The following ARMH4 variants were observed in gnomAD, a reference collection of about 807,000 sequenced individuals.
The protein encoded by ARMH4 is armadillo like helical domain containing 4.
ARMH4 carries 49 observed loss-of-function variants against 61.9 expected under a neutral mutation model. The observed-to-expected ratio is 0.79, with a 90% CI of 0.63 to 1.00. ARMH4 has a LOEUF of 1.00. Among genes scored for constraint, ARMH4 ranks in the 50% least tolerant of loss-of-function variants. ARMH4 has a pLI of 0.00. For synonymous variants in ARMH4, 368 were observed against 341.5 expected, an observed-to-expected ratio of 1.08 and a Z score of -0.85; for missense variants, 934 against 930.0, an observed-to-expected ratio of 1.00 and a Z score of -0.06.
chr14:58,086,795 G>T (rs1486682880), intron 5 of ARMH4, among the ~76,000 whole-genome samples: 1 of 152,132 alleles, frequency 6.6e-6, no homozygotes, highest in East Asian at 1.9e-4. Flanking sequence ...ATGACTGGAA[G>T]AATTTCAAAA....
Position 58,139,013 on chromosome 14 carries a change from CAGT to C in ARMH4, c.343_345del (p.Thr115del). 1.2e-6 allele frequency: 2 copies of C among 1,614,208 alleles called. No homozygotes were observed. Among genetic ancestry groups the C allele is most frequent in the Non-Finnish European group, 8.5e-7 (1 of 1,180,036 alleles). ...TCTTCAGCTGAGGGGACACCTGACTCAGTAGGTGTGGAAACACCAGGGCGTTCT... is the reference window on the plus strand; with the variant it reads ...TCTTCAGCTGAGGGGACACCTGACTCAGGTGTGGAAACACCAGGGCGTTCT... On this transcript the variant is annotated inframe_deletion, in exon 2 of 8. Transcript: ENST00000267485.
At chr14:58,097,787 T>C (rs1259470909) in intron 4 of ARMH4, among the ~76,000 whole-genome samples, 1 of 151,848 alleles carries the variant, frequency 6.6e-6, no homozygotes, top group Non-Finnish European at 1.5e-5. Flanking sequence ...TTCACCACAG[T>C]CTCAGACTCC....
At chr14:58,040,902 T>C (rs1032450886) in intron 5 of ARMH4, among the ~76,000 whole-genome samples, 1 of 152,198 alleles carries the variant, frequency 6.6e-6, no homozygotes, top group Non-Finnish European at 1.5e-5. Context: ...GCATTTCAAA[T>C]CAATTTTTGG....
At chr14:58,131,031 T>C (rs1887074581) in intron 4 of ARMH4, among the ~76,000 whole-genome samples, 1 of 152,212 alleles carries the variant, frequency 6.6e-6, no homozygotes, top group Admixed American at 6.5e-5. Flanking sequence ...AAGGTATTTC[T>C]AATGGTCAAC....
At chr14:58,009,083 C>A (rs1051387283) in intron 6 of ARMH4, among the ~76,000 whole-genome samples, 28 of 152,218 alleles carry the variant, frequency 1.8e-4, no homozygotes, top group African/African-American at 6.5e-4. Flanking sequence ...CCTTCAATAT[C>A]CATTCTTTTC....
intron 5 of ARMH4, among the ~76,000 whole-genome samples, chr14:58,076,761 C>T (rs1451275722): frequency 6.6e-6 from 1 of 152,144 alleles, no homozygotes; most frequent in East Asian, 1.9e-4. Flanking sequence ...AGGGCCACCA[C>T]CTGATGACAG....
At chr14:58,045,678 T>C (rs1293302687) in intron 5 of ARMH4, among the ~76,000 whole-genome samples, 1 of 151,862 alleles carries the variant, frequency 6.6e-6, no homozygotes, top group Admixed American at 6.6e-5. Flanking sequence ...TGTTGATGGC[T>C]TAACCCTCAG....
intron 1 of ARMH4, chr14:58,141,180 T>A: frequency 4.0e-6 from 1 of 250,606 alleles, no homozygotes; most frequent in Non-Finnish European, 7.9e-6. Context: ...TGAATACCAG[T>A]TACTTTTAAG....
chr14:58,095,442 A>C (rs1431523731), intron 5 of ARMH4, among the ~76,000 whole-genome samples: 5 of 152,220 alleles, frequency 3.3e-5, no homozygotes, highest in Non-Finnish European at 1.5e-5. Context: ...AGCATTTCAG[A>C]CTAAATATTC....
chr14:58,073,761 G>A (rs192740319), intron 5 of ARMH4, among the ~76,000 whole-genome samples: 18 of 152,274 alleles, frequency 1.2e-4, no homozygotes, highest in African/African-American at 4.1e-4. Flanking sequence ...GAAACCACCC[G>A]GAAGCCCTAG....
chr14:58,121,348 A>C (rs920193875), intron 4 of ARMH4, among the ~76,000 whole-genome samples: 2 of 151,900 alleles, frequency 1.3e-5, no homozygotes, highest in Admixed American at 6.6e-5. Flanking sequence ...CCGGACTGGC[A>C]AAAAAAAGGC....
chr14:58,143,253 G>C (rs1216095764), intron 1 of ARMH4, among the ~76,000 whole-genome samples: 3 of 152,190 alleles, frequency 2.0e-5, no homozygotes, highest in African/African-American at 4.8e-5. Flanking sequence ...GAGTACAATA[G>C]TGTCATGTGC....
chr14:58,108,341 A>G (rs1421937679), intron 4 of ARMH4, among the ~76,000 whole-genome samples: 2 of 152,222 alleles, frequency 1.3e-5, no homozygotes, highest in African/African-American at 4.8e-5. Flanking sequence ...CTATATACAT[A>G]TACCGTATTT....
At chr14:58,067,519 C>A (rs1884742287) in intron 5 of ARMH4, among the ~76,000 whole-genome samples, 1 of 152,128 alleles carries the variant, frequency 6.6e-6, no homozygotes, top group Non-Finnish European at 1.5e-5. Context: ...GTAAGGACAG[C>A]CAGCATAGCC....
chr14:58,141,438 C>A, intron 1 of ARMH4: 1 of 540,064 alleles, frequency 1.9e-6, no homozygotes, highest in South Asian at 1.4e-5. Flanking sequence ...TGGAGGATGG[C>A]CACACTCTCT....
intron 4 of ARMH4, among the ~76,000 whole-genome samples, chr14:58,105,395 A>C (rs1034990902): frequency 6.6e-6 from 1 of 152,186 alleles, no homozygotes; most frequent in African/African-American, 2.4e-5. Context: ...CTCTAAAAGG[A>C]AACAATTGGG....
At chr14:58,014,502 A>T (rs2141137169) in intron 5 of ARMH4, among the ~76,000 whole-genome samples, 1 of 152,334 alleles carries the variant, frequency 6.6e-6, no homozygotes, top group South Asian at 2.1e-4. Flanking sequence ...TGTTGTGAAG[A>T]TTAGAAATAA....
intron 5 of ARMH4, among the ~76,000 whole-genome samples, chr14:58,087,523 C>G (rs950486410): frequency 6.6e-6 from 1 of 152,068 alleles, no homozygotes; most frequent in South Asian, 2.1e-4. Flanking sequence ...AGCTGCTTCA[C>G]GTTCATTTTC....
rs1255680726 is a variant in ARMH4 at position 58,000,978 on chromosome 14, T to G, written c.*3758A>C. ...AGCAGAGCTCTAGAACTTATTCATC[T>G]TGCATAACTGAAACATAATTAATCA... On this transcript the variant is annotated 3_prime_UTR_variant, in exon 8 of 8. Transcript: ENST00000267485. 1 of 152,220 alleles carries G rather than the reference T, an allele frequency of 6.6e-6. No individual in the cohort carries two copies. Among genetic ancestry groups the G allele is most frequent in the Admixed American group, 6.5e-5 (1 of 15,284 alleles). The allele number at this position is 152,220 out of a possible 1,614,324, so 9.4% of individuals were successfully genotyped here.
Sources: gnomAD v4.1 joint callset for allele counts (sites outside exome capture counted in the v4.1 genomes callset) on GRCh38, gnomAD v4.1.1 for gene constraint, MANE v1.5 for transcripts, NCBI Gene and HGNC (gene_info 2026-07-23, HGNC 2026-07-21) for gene names.